IL6R: variants seen among roughly 807,000 people sequenced by gnomAD.
The protein encoded by IL6R is interleukin-6 receptor subunit alpha.
A neutral mutation model predicts 48.3 loss-of-function variants in IL6R; 38 were observed. That is an observed-to-expected ratio of 0.79 (90% CI 0.61 to 1.03). The LOEUF (loss-of-function observed/expected upper bound fraction) is 1.03, where lower values mean the gene tolerates loss of function less well. IL6R is among the 50% of genes least tolerant of loss of function. The pLI is 0.00. For synonymous variants in IL6R, 264 were observed against 256.2 expected, an observed-to-expected ratio of 1.03 and a Z score of -0.29; for missense variants, 534 against 618.3, an observed-to-expected ratio of 0.86 and a Z score of 1.45.
chr1:154,407,123 T>C (rs1193009670), intron 1 of IL6R, among the ~76,000 whole-genome samples: 1 of 152,190 alleles, frequency 6.6e-6, no homozygotes, highest in Non-Finnish European at 1.5e-5. Flanking sequence ...CACTCTTGTC[T>C]GGCTGAGTGC....
Position 154,434,709 on chromosome 1 carries a change from G to A in IL6R, c.640+9G>A. The stretch of plus-strand genomic sequence containing the variant: ...TCAGGGTTGTGGAATCTGTACGTAA[G>A]CTCTAACCCCCTCTCCAGCAGTTTC... On this transcript the variant is annotated intron_variant, in intron 4 of 9. Transcript: ENST00000368485. The A allele has an allele frequency of 6.2e-7, 1 of 1,609,950 alleles. No homozygotes were observed. The highest frequency in any genetic ancestry group is 1.1e-5 in the South Asian group (1 of 90,772).
At chr1:154,437,417 A>ATTTTT in intron 6 of IL6R, 1 of 323,456 alleles carries the variant, frequency 3.1e-6, no homozygotes, top group Non-Finnish European at 6.5e-6. Flanking sequence ...TTTAACTTAA[A>ATTTTT]TTTTTTTTTT....
At chr1:154,438,749 C>G (rs558260758) in intron 6 of IL6R, among the ~76,000 whole-genome samples, 8 of 152,214 alleles carry the variant, frequency 5.3e-5, no homozygotes, top group African/African-American at 1.9e-4. Flanking sequence ...TCTTTCCTGT[C>G]CTGGGGAGAG....
rs776044629 is a variant in IL6R, at chr1:154,405,599, G to C, written c.-31G>C. 4.8e-6 allele frequency: 7 copies of C among 1,464,836 alleles called. No individual in the cohort carries two copies. The highest frequency in any genetic ancestry group is 1.2e-5 in the South Asian group (1 of 82,722). 90.7% of individuals were successfully genotyped at this position (1,464,836 alleles called of 1,614,324 possible). ...TTCCCATTAGCCTGTCCGCCTCTGC[G>C]GGACCATGGAGTGGTAGCCGAGGAG... On this transcript the variant is annotated 5_prime_UTR_variant, in exon 1 of 10. Coordinates refer to ENST00000368485, the MANE Select transcript of IL6R (RefSeq NM_000565.4). The surrounding 1 kb of genome is among the most constrained non-coding windows in gnomAD (Gnocchi z 5.2).
At chr1:154,439,667 A>G (rs1284927154) in intron 6 of IL6R, among the ~76,000 whole-genome samples, 1 of 152,176 alleles carries the variant, frequency 6.6e-6, no homozygotes, top group Non-Finnish European at 1.5e-5. Flanking sequence ...ATTGTTGTGC[A>G]ACCATCACCA....
chr1:154,435,132 G>GGC lies in IL6R; in HGVS notation c.783_784insGC (p.Ser262AlafsTer26). On this transcript the variant is annotated frameshift_variant, in exon 5 of 10. Coordinates refer to ENST00000368485, the MANE Select transcript of IL6R (RefSeq NM_000565.4). LOFTEE classifies it high-confidence loss of function. ...TTGAGCTCAGATATCGGGCTGAACG[G>GGC]TCAAAGACATTCACAACATGGATGG... 6.2e-7 allele frequency: 1 copy of GGC among 1,614,132 alleles called. No homozygotes were observed.
Position 154,405,437 on chromosome 1 carries a change from G to A in IL6R, c.-193G>A, listed in dbSNP as rs1280850351. 9.2e-6 allele frequency: 5 copies of A among 545,814 alleles called. No homozygotes were observed. The highest frequency in any genetic ancestry group is 1.6e-5 in the Non-Finnish European group (5 of 315,842). The allele number at this position is 545,814 out of a possible 1,614,324, so 33.8% of individuals were successfully genotyped here. On this transcript the variant is annotated 5_prime_UTR_variant, in exon 1 of 10. Coordinates refer to ENST00000368485, the MANE Select transcript of IL6R (RefSeq NM_000565.4). The surrounding 1 kb of genome is among the most constrained non-coding windows in gnomAD (Gnocchi z 5.2). ...ACTGAGCCGGGCCAGAGGGAGAGGA[G>A]CCGAGCGCGGCGCGGGGCCGAGGGA...
At chr1:154,435,234 G>GCGTGAGCCAC in intron 5 of IL6R, 78 bp downstream of exon 5, 1 of 1,413,216 alleles carries the variant, frequency 7.1e-7, no homozygotes, top group African/African-American at 1.4e-5. Context: ...TAGAGGCCAG[G>GCGTGAGCCAC]CATGGTGGCT....
intron 9 of IL6R, among the ~76,000 whole-genome samples, chr1:154,457,969 T>TTTTCTTTTC (rs1553187109): frequency 4.0e-4 from 46 of 116,324 alleles, no homozygotes; most frequent in Middle Eastern, 4.0e-3. Flanking sequence ...TTCTTTTTCT[T>TTTTCTTTTC]TTTTTTTTTT....
intron 1 of IL6R, among the ~76,000 whole-genome samples, chr1:154,422,670 G>A (rs1023494442): frequency 3.3e-5 from 5 of 152,194 alleles, no homozygotes; most frequent in African/African-American, 4.8e-5. Context: ...AATTGCTCAC[G>A]GACAAATGCT....
At chr1:154,414,623 C>T (rs1224578088) in intron 1 of IL6R, 1 of 800,668 alleles carries the variant, frequency 1.2e-6, no homozygotes, top group Non-Finnish European at 2.1e-6. Context: ...CTGATAGTGT[C>T]AAGCAGGATG....
chr1:154,421,249 T>A (rs1688645390), intron 1 of IL6R, among the ~76,000 whole-genome samples: 1 of 152,186 alleles, frequency 6.6e-6, no homozygotes, highest in Admixed American at 6.5e-5. Flanking sequence ...AGCAATGGAA[T>A]GCTCCTGTCC....
Position 154,429,313 on chromosome 1 carries a change from G to A in IL6R, c.203G>A (p.Gly68Asp). Residue 68 changes from glycine to aspartate, a missense_variant, in exon 2 of 10, where the codon GGC (glycine) becomes GAC (aspartate). Coordinates refer to ENST00000368485, the MANE Select transcript of IL6R (RefSeq NM_000565.4). ...VHWVLRKPAAGSHPSRWAGMG... is the reference protein window; with the variant it reads ...VHWVLRKPAADSHPSRWAGMG... ...TGGGTGCTCAGGAAGCCGGCTGCAG[G>A]CTCCCACCCCAGCAGATGGGCTGGC... 1 of 1,614,112 alleles carries A rather than the reference G, an allele frequency of 6.2e-7. No homozygotes were observed. The highest frequency in any genetic ancestry group is 8.5e-7 in the Non-Finnish European group (1 of 1,180,010).
chr1:154,429,967 A>T (rs942986049), intron 2 of IL6R, among the ~76,000 whole-genome samples: 2 of 152,116 alleles, frequency 1.3e-5, no homozygotes, highest in South Asian at 2.1e-4. Flanking sequence ...TCATACCTAG[A>T]TAAAGACTTC....
chr1:154,443,708 G>A (rs1163923583), intron 6 of IL6R, among the ~76,000 whole-genome samples: 2 of 152,224 alleles, frequency 1.3e-5, no homozygotes. Context: ...GAGGTGAGAA[G>A]CAATTAGCAC....
At chr1:154,413,438 A>G (rs993806054) in intron 1 of IL6R, among the ~76,000 whole-genome samples, 1 of 152,234 alleles carries the variant, frequency 6.6e-6, no homozygotes, top group Non-Finnish European at 1.5e-5. Context: ...AGGGGAATTG[A>G]TGGGCAAAGG....
At chr1:154,419,067 A>G (rs1044353606) in intron 1 of IL6R, among the ~76,000 whole-genome samples, 2 of 152,104 alleles carry the variant, frequency 1.3e-5, no homozygotes, top group Non-Finnish European at 2.9e-5. Flanking sequence ...CCAAGTAGAG[A>G]GAGGCTTTGG....
chr1:154,421,181 G>T (rs1257021678), intron 1 of IL6R, among the ~76,000 whole-genome samples: 1 of 152,196 alleles, frequency 6.6e-6, no homozygotes, highest in Admixed American at 6.5e-5. Flanking sequence ...AGGAGCCAAG[G>T]AGGGGCAGGG....
intron 1 of IL6R, among the ~76,000 whole-genome samples, chr1:154,407,347 A>T (rs577705145): frequency 3.3e-5 from 5 of 152,292 alleles, no homozygotes; most frequent in Admixed American, 1.3e-4. Flanking sequence ...TCCTGAGTGG[A>T]TGCTAGGCCC....
Sources: gnomAD v4.1 joint callset for allele counts (sites outside exome capture counted in the v4.1 genomes callset) on GRCh38, gnomAD v4.1.1 for gene constraint, Gnocchi (gnomAD v3.1) non-coding constraint, MANE v1.5 for transcripts, NCBI Gene and HGNC (gene_info 2026-07-23, HGNC 2026-07-21) for gene names.